Variants in PDE1C observed in about 807,000 individuals in gnomAD.
PDE1C encodes dual specificity calcium/calmodulin-dependent 3',5'-cyclic nucleotide phosphodiesterase 1C.
PDE1C carries 62 observed loss-of-function variants against 93.1 expected under a neutral mutation model. The ratio of observed to expected loss-of-function variants is 0.67; its 90% CI spans 0.54 to 0.82. The LOEUF (loss-of-function observed/expected upper bound fraction) is 0.82, where lower values mean the gene tolerates loss of function less well. PDE1C is among the 40% of genes least tolerant of loss of function. The pLI is 0.00. For synonymous variants in PDE1C, 325 were observed against 310.1 expected, an observed-to-expected ratio of 1.05 and a Z score of -0.50; for missense variants, 742 against 884.6, an observed-to-expected ratio of 0.84 and a Z score of 2.04.
intron 16 of PDE1C, among the ~76,000 whole-genome samples, chr7:31,797,787 G>A (rs554800751): frequency 3.3e-5 from 5 of 151,726 alleles, no homozygotes; most frequent in South Asian, 2.1e-4. Context: ...ACGCAGTATC[G>A]TCAAGATTAA....
At chr7:32,385,672 A>T (rs921646209) in intron 1 of PDE1C, among the ~76,000 whole-genome samples, 2 of 152,220 alleles carry the variant, frequency 1.3e-5, no homozygotes, top group African/African-American at 4.8e-5. Flanking sequence ...AGTGCCTGGA[A>T]CAATGTCTGG....
At chr7:31,922,757 CG>C (rs1802786440) in intron 2 of PDE1C, among the ~76,000 whole-genome samples, 1 of 152,070 alleles carries the variant, frequency 6.6e-6, no homozygotes, top group Non-Finnish European at 1.5e-5. Flanking sequence ...GAAACAAAAT[CG>C]TTCACTCAGT....
intron 2 of PDE1C, among the ~76,000 whole-genome samples, chr7:31,915,266 G>C (rs1488808142): frequency 6.6e-6 from 1 of 152,074 alleles, no homozygotes; most frequent in Non-Finnish European, 1.5e-5. Flanking sequence ...CTGCCTAATA[G>C]CCCAACCTAA....
At chr7:31,633,209 G>T in the PDE1C span, among the ~76,000 whole-genome samples, 2 of 152,134 alleles carry the variant, frequency 1.3e-5, no homozygotes, top group African/African-American at 4.8e-5. Flanking sequence ...TTACGCTGAG[G>T]AGAAAGGCCT....
the PDE1C span, among the ~76,000 whole-genome samples, chr7:31,646,226 A>G: frequency 1.3e-5 from 2 of 152,202 alleles, no homozygotes; most frequent in African/African-American, 4.8e-5. Flanking sequence ...TTAATCCATC[A>G]GGCAAACCAC....
At chr7:32,328,275 T>C (rs1483610754) in intron 1 of PDE1C, among the ~76,000 whole-genome samples, 2 of 152,212 alleles carry the variant, frequency 1.3e-5, no homozygotes, top group African/African-American at 2.4e-5. Context: ...AGGTTCTAGT[T>C]AAATAGCCTT....
intron 17 of PDE1C, among the ~76,000 whole-genome samples, chr7:31,764,273 T>C (rs1168597679): frequency 2.6e-5 from 4 of 152,160 alleles, no homozygotes. Flanking sequence ...GACTCTGTAG[T>C]AGCCGGGATT....
chr7:32,375,376 G>C (rs1784416501), intron 1 of PDE1C, among the ~76,000 whole-genome samples: 1 of 152,146 alleles, frequency 6.6e-6, no homozygotes, highest in South Asian at 2.1e-4. Context: ...GCAAACAGAA[G>C]ACAACCAGCA....
chr7:32,281,469 C>A (rs1283256078), intron 1 of PDE1C, among the ~76,000 whole-genome samples: 1 of 151,996 alleles, frequency 6.6e-6, no homozygotes, highest in Non-Finnish European at 1.5e-5. Context: ...CCTGTAATCC[C>A]AGGGCTTTGA....
chr7:31,730,663 T>C, the PDE1C span, among the ~76,000 whole-genome samples: 1 of 152,202 alleles, frequency 6.6e-6, no homozygotes, highest in Non-Finnish European at 1.5e-5. Flanking sequence ...ACTGCAGATA[T>C]AGAGGTTGAG....
chr7:31,853,739 T>C (rs552448378), intron 7 of PDE1C, among the ~76,000 whole-genome samples: 1 of 152,174 alleles, frequency 6.6e-6, no homozygotes, highest in African/African-American at 2.4e-5. Flanking sequence ...AAACAGGGTC[T>C]CACTCTGTTG....
chr7:32,013,953 TC>T (rs1787509932), intron 2 of PDE1C, among the ~76,000 whole-genome samples: 1 of 152,224 alleles, frequency 6.6e-6, no homozygotes, highest in Non-Finnish European at 1.5e-5. Flanking sequence ...CACACACCTC[TC>T]AAAAGAATTT....
intron 3 of PDE1C, among the ~76,000 whole-genome samples, chr7:32,079,918 C>T (rs2079373): frequency 0.86 from 131,186 of 152,132 alleles, 56,816 homozygotes; most frequent in African/African-American, 0.94. Flanking sequence ...GATACAGATA[C>T]TTGCAGCCAT....
intron 1 of PDE1C, among the ~76,000 whole-genome samples, chr7:32,363,604 C>G (rs183064749): frequency 8.5e-5 from 13 of 152,326 alleles, no homozygotes; most frequent in Admixed American, 8.5e-4. Flanking sequence ...GTGTTTGAGG[C>G]TCTTCTTTTT....
At chr7:32,010,338 C>T (rs998386487) in intron 2 of PDE1C, among the ~76,000 whole-genome samples, 3 of 152,162 alleles carry the variant, frequency 2.0e-5, no homozygotes, top group Non-Finnish European at 4.4e-5. Context: ...GAAACATACA[C>T]ACATGAATAG....
intron 2 of PDE1C, among the ~76,000 whole-genome samples, chr7:31,985,737 C>A (rs1783313080): frequency 6.6e-6 from 1 of 150,972 alleles, no homozygotes. Context: ...TATGTCCCTG[C>A]AAAGGACATG....
At chr7:31,846,285 C>T (rs1318754056) in intron 9 of PDE1C, among the ~76,000 whole-genome samples, 1 of 126,218 alleles carries the variant, frequency 7.9e-6, no homozygotes, top group African/African-American at 3.1e-5. Context: ...AGGCTCTGTT[C>T]TGTCCAATGG....
At chr7:32,282,332 C>T (rs1279091946) in intron 1 of PDE1C, among the ~76,000 whole-genome samples, 2 of 151,496 alleles carry the variant, frequency 1.3e-5, no homozygotes, top group African/African-American at 2.4e-5. Flanking sequence ...CAAAATTAGC[C>T]GGGCGTGGTG....
At chr7:31,638,726 G>C in the PDE1C span, among the ~76,000 whole-genome samples, 4 of 151,744 alleles carry the variant, frequency 2.6e-5, no homozygotes, top group Non-Finnish European at 5.9e-5. Flanking sequence ...TGATTTTAAG[G>C]GTTTTTATAA....
Sources: gnomAD v4.1 joint callset for allele counts (sites outside exome capture counted in the v4.1 genomes callset) on GRCh38, gnomAD v4.1.1 for gene constraint, MANE v1.5 for transcripts, NCBI Gene and HGNC (gene_info 2026-07-23, HGNC 2026-07-21) for gene names.